FAM135A: variants seen among roughly 807,000 people sequenced by gnomAD.
FAM135A encodes the protein protein FAM135A.
FAM135A carries 79 observed loss-of-function variants against 146.8 expected under a neutral mutation model. The ratio of observed to expected loss-of-function variants is 0.54; its 90% confidence interval spans 0.45 to 0.65. FAM135A has a LOEUF of 0.65. FAM135A is among the 30% of genes least tolerant of loss of function. The pLI is 0.00. For missense variants in FAM135A, 1,623 were observed against 1,758.2 expected (o/e 0.92, Z 1.38); for synonymous variants, 562 against 603.6 (o/e 0.93, Z 1.01).
intron 5 of FAM135A, among the ~76,000 whole-genome samples, chr6:70,465,853 C>T (rs1780370316): frequency 6.6e-6 from 1 of 152,176 alleles, no homozygotes; most frequent in Non-Finnish European, 1.5e-5. Context: ...AGACAAGGTC[C>T]TTGCCTTCGA....
intron 20 of FAM135A, among the ~76,000 whole-genome samples, chr6:70,552,250 T>A (rs1799949880): frequency 6.6e-6 from 1 of 152,158 alleles, no homozygotes; most frequent in African/African-American, 2.4e-5. Context: ...ACATAATGTA[T>A]CTTATATAAG....
At chr6:70,493,510 A>G (rs972085370) in intron 11 of FAM135A, among the ~76,000 whole-genome samples, 8 of 152,328 alleles carry the variant, frequency 5.3e-5, no homozygotes, top group Admixed American at 2.0e-4. Flanking sequence ...TCAACAACCT[A>G]TAACATATTA....
chr6:70,508,220 C>T (rs1790230334), intron 12 of FAM135A, among the ~76,000 whole-genome samples: 1 of 152,134 alleles, frequency 6.6e-6, no homozygotes, highest in Admixed American at 6.6e-5. Context: ...GGAGACATAT[C>T]TCTGTTTCCC....
chr6:70,556,848 A>G lies in FAM135A; in HGVS notation c.4327A>G (p.Lys1443Glu), dbSNP rs765973635. ...CATTGAAATGTGTAAAACAGCTTTA[A>G]AGGACAAACAGTCAGGTAATGGAAT... ...ARIEMCKTAL[K>E]DKQSGQIYSE... The change falls in exon 21 of 22, where the codon AAG becomes GAG. Residue 1443 changes from lysine to glutamate, a missense_variant. Physicochemically the swap from Lys to Glu is moderately conservative, Grantham distance 56. Around this residue, in one of 7 missense-constraint regions of FAM135A, gnomAD observed 138 missense variants for 174.1 expected, o/e 0.79. Coordinates refer to ENST00000418814, the MANE Select transcript of FAM135A (RefSeq NM_001162529.3). The G allele has an allele frequency of 1.9e-6, 3 of 1,613,596 alleles. No homozygotes were observed. The highest frequency in any genetic ancestry group is 2.5e-6 in the Non-Finnish European group (3 of 1,179,820).
At position 70,475,810 on chromosome 6, in the gene FAM135A, C is replaced by T. The variant is rs1175903715; in HGVS notation, c.368+77C>T. On this transcript the variant is annotated intron_variant, in intron 7 of 21. Coordinates refer to ENST00000418814, the MANE Select transcript of FAM135A (RefSeq NM_001162529.3). Reference sequence around the variant, plus strand: ...TTATTATTAGATTGCCCATTTTCCTCTTAAAATTCATCCTATCCCTATCTT... The same window carrying T: ...TTATTATTAGATTGCCCATTTTCCTTTTAAAATTCATCCTATCCCTATCTT... The T allele has an allele frequency of 3.4e-6, 4 of 1,166,484 alleles. No individual in the cohort carries two copies. The African/African-American group carries it at 6.2e-5, about 18-fold the overall frequency. The allele number at this position is 1,166,484 out of a possible 1,614,324, so 72.3% of individuals were successfully genotyped here. A position where few individuals can be genotyped will look rare whatever the true frequency, so the allele number is the denominator to read the frequency against.
At chr6:70,435,395 G>A (rs901326234) in intron 4 of FAM135A, among the ~76,000 whole-genome samples, 1 of 151,860 alleles carries the variant, frequency 6.6e-6, no homozygotes, top group African/African-American at 2.4e-5. Context: ...GTGAGTGACC[G>A]CACCCGGCCT....
chr6:70,417,039 C>T (rs971616012), intron 2 of FAM135A, among the ~76,000 whole-genome samples: 1 of 151,982 alleles, frequency 6.6e-6, no homozygotes, highest in Non-Finnish European at 1.5e-5. Context: ...AAGTATCAGG[C>T]ATATTATACC....
At chr6:70,497,281 T>G (rs1787501911) in intron 11 of FAM135A, among the ~76,000 whole-genome samples, 1 of 152,202 alleles carries the variant, frequency 6.6e-6, no homozygotes, top group Non-Finnish European at 1.5e-5. Flanking sequence ...GGGAATTCAC[T>G]CATGATTTGG....
intron 16 of FAM135A, among the ~76,000 whole-genome samples, chr6:70,530,236 A>C (rs546389009): frequency 6.6e-5 from 10 of 152,324 alleles, no homozygotes; most frequent in African/African-American, 2.4e-4. Context: ...AAATCAAGTA[A>C]GAAACTTCAT....
At chr6:70,549,910 C>T (rs1372499168) in intron 20 of FAM135A, among the ~76,000 whole-genome samples, 1 of 152,154 alleles carries the variant, frequency 6.6e-6, no homozygotes, top group African/African-American at 2.4e-5. Context: ...TTTTTCAACT[C>T]TTTATGTAAT....
At chr6:70,486,567 G>A (rs1784696635) in intron 10 of FAM135A, among the ~76,000 whole-genome samples, 1 of 152,124 alleles carries the variant, frequency 6.6e-6, no homozygotes, top group Admixed American at 6.5e-5. Context: ...TTGGTTTAAT[G>A]ACATCGCCTT....
At chr6:70,427,219 C>G (rs890476068) in intron 3 of FAM135A, among the ~76,000 whole-genome samples, 2 of 152,020 alleles carry the variant, frequency 1.3e-5, no homozygotes, top group African/African-American at 4.8e-5. Flanking sequence ...TTAATTATAA[C>G]ATGTTCCCAG....
chr6:70,560,902 A>G lies in FAM135A; in HGVS notation c.*981A>G, dbSNP rs67676955. On this transcript the variant is annotated 3_prime_UTR_variant, in exon 22 of 22. Coordinates refer to ENST00000418814, the MANE Select transcript of FAM135A (RefSeq NM_001162529.3). ...TAACTTTACATGTTTGGTGATACAG[A>G]TGCAAATGTTTTTGATATATGGAGA... 0.02 allele frequency: 3,033 copies of G among 152,704 alleles called. 57 individuals are homozygous for G. The highest frequency in any genetic ancestry group is 0.027 in the Non-Finnish European group (1,808 of 67,982). 9.5% of individuals were successfully genotyped at this position (152,704 alleles called of 1,614,324 possible).
rs563199949 is a variant in FAM135A at position 70,418,787 on chromosome 6, C to T, written c.-134+3411C>T. Among the ~76,000 whole-genome samples the T allele has an allele frequency of 7.2e-5, 11 of 152,316 alleles. No individual in the cohort carries two copies. In the South Asian group the frequency reaches 2.3e-3, roughly 32 times the overall value. The stretch of plus-strand genomic sequence containing the variant: ...CTATAACTCAGATAGTCGGGCTGAA[C>T]CAAACCAATACAGACCTAACCAATT... On this transcript the variant is annotated intron_variant, in intron 2 of 21. Coordinates refer to ENST00000418814, the MANE Select transcript of FAM135A (RefSeq NM_001162529.3).
At chr6:70,508,239 TC>T (rs1414485750) in intron 12 of FAM135A, among the ~76,000 whole-genome samples, 1 of 152,144 alleles carries the variant, frequency 6.6e-6, no homozygotes, top group African/African-American at 2.4e-5. Flanking sequence ...CCCAGGCTTT[TC>T]CCTAATACGA....
Position 70,534,348 on chromosome 6 carries a change from G to A in FAM135A, c.3965+494G>A, listed in dbSNP as rs554776868. 5.2e-4 allele frequency among the ~76,000 whole-genome samples: 55 copies of A among 106,430 alleles called. No individual in the cohort carries two copies. In the South Asian group the frequency reaches 0.014, roughly 28 times the overall value. 69.8% of individuals were successfully genotyped at this position (106,430 alleles called of 152,430 possible). On this transcript the variant is annotated intron_variant, in intron 18 of 21. Transcript: ENST00000418814. Reference sequence around the variant, plus strand: ...TTTTTTTTTTTTTTTGAGGCAGGGTGTTGCTCAGTCACCCAGGCTAGAGAG... The same window carrying A: ...TTTTTTTTTTTTTTTGAGGCAGGGTATTGCTCAGTCACCCAGGCTAGAGAG...
rs748908271 is a variant in FAM135A, at chr6:70,536,302, G to A, written c.4008G>A (p.Val1336=). 1 of 1,612,648 alleles carries A rather than the reference G, an allele frequency of 6.2e-7. No individual in the cohort carries two copies. Residue 1336 remains valine (V), a synonymous_variant, in exon 19 of 22, where the codon GTG becomes GTA. Transcript: ENST00000418814. Reference sequence around the variant, plus strand: ...TGGGCAATTTAATAATTCGTTCAGTGCTTACAAGGCCAAGGTTTAAATATT... The same window carrying A: ...TGGGCAATTTAATAATTCGTTCAGTACTTACAAGGCCAAGGTTTAAATATT... ...HSLGNLIIRS[V]LTRPRFKYYL...
intron 4 of FAM135A, among the ~76,000 whole-genome samples, chr6:70,449,586 T>A (rs76320501): frequency 6.6e-6 from 1 of 152,172 alleles, no homozygotes; most frequent in Non-Finnish European, 1.5e-5. Context: ...CAGAATTTTC[T>A]TATTTTTTAA....
rs766495154 is a variant in FAM135A at position 70,559,822 on chromosome 6, T to C, written c.4449T>C (p.Ala1483=). 2.5e-4 allele frequency: 399 copies of C among 1,614,014 alleles called. No homozygotes were observed. The highest frequency in any genetic ancestry group is 3.3e-4 in the Middle Eastern group (2 of 6,082). Residue 1483 remains alanine (A), a synonymous_variant, in exon 22 of 22, where the codon GCT becomes GCC. Transcript: ENST00000418814. ...TCATCAATGCATTGCCCAATACAGC[T>C]GATTCACTCATTGGGAGAGCTGCAC... ...YNVINALPNT[A]DSLIGRAAHI... is the part of the protein sequence containing the mutation.
Sources: gnomAD v4.1 joint callset for allele counts (sites outside exome capture counted in the v4.1 genomes callset) on GRCh38, gnomAD v4.1.1 for gene constraint, gnomAD v4.1.1 regional missense constraint, MANE v1.5 for transcripts, NCBI Gene and HGNC (gene_info 2026-07-23, HGNC 2026-07-21) for gene names.